The following CTNNA3 variants were observed in gnomAD, a reference collection of about 807,000 sequenced individuals.
CTNNA3 encodes the protein catenin alpha 3.
A neutral mutation model predicts 95.7 loss-of-function variants in CTNNA3; 76 were observed. The ratio of observed to expected loss-of-function variants is 0.79; its 90% CI spans 0.66 to 0.96. CTNNA3 has a LOEUF of 0.96. CTNNA3 is among the 40% of genes least tolerant of loss of function. The probability of loss-of-function intolerance (pLI) is 0.00; values close to 1 mark genes in which losing one functional copy is unlikely to be tolerated. For missense variants in CTNNA3, 1,191 were observed against 1,089.8 expected (o/e 1.09, Z -1.31); for synonymous variants, 431 against 374.4 (o/e 1.15, Z -1.74).
intron 5 of CTNNA3, among the ~76,000 whole-genome samples, chr10:67,370,949 C>T (rs1303847069): frequency 6.7e-6 from 1 of 148,366 alleles, no homozygotes; most frequent in Non-Finnish European, 1.5e-5. Context: ...TCACTGCAAG[C>T]TGCGCCTCCC....
chr10:66,455,981 A>T (rs1303476652), intron 11 of CTNNA3, among the ~76,000 whole-genome samples: 2 of 152,226 alleles, frequency 1.3e-5, no homozygotes, highest in Non-Finnish European at 2.9e-5. Flanking sequence ...AAAATTTGGT[A>T]TAAATCTGGC....
intron 5 of CTNNA3, among the ~76,000 whole-genome samples, chr10:67,341,641 G>A (rs1361182919): frequency 2.6e-5 from 4 of 152,112 alleles, no homozygotes; most frequent in Admixed American, 2.6e-4. Context: ...ATTGTGAACA[G>A]TATTGCAACA....
intron 15 of CTNNA3, among the ~76,000 whole-genome samples, chr10:66,068,594 T>G (rs1182520215): frequency 6.6e-6 from 1 of 152,176 alleles, no homozygotes; most frequent in African/African-American, 2.4e-5. Context: ...GAATACTACA[T>G]GGTAATACAA....
At chr10:65,941,440 C>T (rs1941985) in intron 17 of CTNNA3, among the ~76,000 whole-genome samples, 19,680 of 152,204 alleles carry the variant, frequency 0.13, 1,583 homozygotes, top group East Asian at 0.22. Flanking sequence ...TAAGAAAATG[C>T]GTTCAATATG....
intron 11 of CTNNA3, among the ~76,000 whole-genome samples, chr10:66,410,635 AT>A (rs1448795515): frequency 6.6e-6 from 1 of 152,060 alleles, no homozygotes; most frequent in African/African-American, 2.4e-5. Flanking sequence ...CTTTCTGCAT[AT>A]TAGGTGTATA....
chr10:67,026,010 A>C (rs985249734), intron 7 of CTNNA3, among the ~76,000 whole-genome samples: 1 of 151,444 alleles, frequency 6.6e-6, no homozygotes. Flanking sequence ...TCGCAAGGAC[A>C]AAAAACCAAA....
At chr10:67,756,697 G>A (rs1482458045) in intron 1 of CTNNA3, among the ~76,000 whole-genome samples, 1 of 152,176 alleles carries the variant, frequency 6.6e-6, no homozygotes, top group Non-Finnish European at 1.5e-5. Flanking sequence ...GGGGAGTGAA[G>A]AGTGGTTGCT....
At chr10:66,571,678 G>C (rs1842871060) in intron 10 of CTNNA3, among the ~76,000 whole-genome samples, 1 of 152,148 alleles carries the variant, frequency 6.6e-6, no homozygotes, top group Non-Finnish European at 1.5e-5. Flanking sequence ...TATTATACAA[G>C]AGTCCCTCTC....
intron 9 of CTNNA3, among the ~76,000 whole-genome samples, chr10:66,717,716 C>G (rs918476169): frequency 2.0e-5 from 3 of 152,152 alleles, no homozygotes; most frequent in Non-Finnish European, 4.4e-5. Context: ...GCTCCCAGCA[C>G]AGTCTTAATC....
chr10:67,072,437 C>T (rs761427769), intron 7 of CTNNA3, among the ~76,000 whole-genome samples: 4 of 152,122 alleles, frequency 2.6e-5, no homozygotes, highest in South Asian at 2.1e-4. Flanking sequence ...TGTATGTCTA[C>T]GTACTCTTTT....
At chr10:66,131,428 G>A (rs1278230555) in intron 13 of CTNNA3, among the ~76,000 whole-genome samples, 1 of 152,150 alleles carries the variant, frequency 6.6e-6, no homozygotes. Flanking sequence ...ATCAATAAAT[G>A]TGAACTAATG....
chr10:67,625,083 G>A (rs73270107), intron 2 of CTNNA3, among the ~76,000 whole-genome samples: 18,351 of 152,082 alleles, frequency 0.12, 2,059 homozygotes, highest in East Asian at 0.44. Context: ...TTTGGGCCAC[G>A]TCTGGTGGCC....
At chr10:67,001,029 G>A (rs979444650) in intron 7 of CTNNA3, among the ~76,000 whole-genome samples, 1 of 152,096 alleles carries the variant, frequency 6.6e-6, no homozygotes, top group African/African-American at 2.4e-5. Flanking sequence ...TAGGCCAGGT[G>A]CAGTGGCTCA....
At chr10:66,049,316 G>C (rs571183927) in intron 15 of CTNNA3, among the ~76,000 whole-genome samples, 1 of 152,166 alleles carries the variant, frequency 6.6e-6, no homozygotes, top group South Asian at 2.1e-4. Context: ...CAGAAAAAAG[G>C]GAACACTTAT....
At chr10:66,802,058 TC>T (rs1841452399) in intron 7 of CTNNA3, among the ~76,000 whole-genome samples, 1 of 151,764 alleles carries the variant, frequency 6.6e-6, no homozygotes, top group South Asian at 2.1e-4. Context: ...TAAATGAACC[TC>T]AGTCCCTTTT....
At chr10:67,078,492 T>G (rs1157855778) in intron 7 of CTNNA3, among the ~76,000 whole-genome samples, 1 of 151,772 alleles carries the variant, frequency 6.6e-6, no homozygotes, top group Non-Finnish European at 1.5e-5. Context: ...TATTATGATT[T>G]ATAAATTTTT....
At chr10:65,980,431 G>A (rs954727478) in intron 16 of CTNNA3, among the ~76,000 whole-genome samples, 1 of 151,240 alleles carries the variant, frequency 6.6e-6, no homozygotes, top group African/African-American at 2.4e-5. Flanking sequence ...CAATCCGATT[G>A]ACATTATTCC....
chr10:67,088,587 T>C (rs376869689), intron 7 of CTNNA3, among the ~76,000 whole-genome samples: 1 of 151,980 alleles, frequency 6.6e-6, no homozygotes, highest in African/African-American at 2.4e-5. Context: ...GCTACCAAAA[T>C]TCAGAATGTT....
At chr10:67,574,691 G>A (rs555413583) in intron 3 of CTNNA3, among the ~76,000 whole-genome samples, 5 of 148,216 alleles carry the variant, frequency 3.4e-5, no homozygotes, top group African/African-American at 7.5e-5. Context: ...AGCTATTCTC[G>A]TGCCTCAGCC....
Sources: gnomAD v4.1 joint callset for allele counts (sites outside exome capture counted in the v4.1 genomes callset) on GRCh38, gnomAD v4.1.1 for gene constraint, MANE v1.5 for transcripts, NCBI Gene and HGNC (gene_info 2026-07-23, HGNC 2026-07-21) for gene names.